The following LRP1B variants were observed in gnomAD, a reference collection of about 807,000 sequenced individuals.
LRP1B encodes low-density lipoprotein receptor-related protein 1B.
A neutral mutation model predicts 556.6 loss-of-function variants in LRP1B; 217 were observed. That is an observed-to-expected ratio of 0.39 (90% CI 0.35 to 0.44). The LOEUF (loss-of-function observed/expected upper bound fraction) is 0.44, where lower values mean the gene tolerates loss of function less well. Ranked by LOEUF, LRP1B falls within the 20% of genes least tolerant of loss-of-function variation. The probability of loss-of-function intolerance (pLI) is 1.00; values close to 1 mark genes in which losing one functional copy is unlikely to be tolerated. For missense variants in LRP1B, 5,053 were observed against 5,620.8 expected, an observed-to-expected ratio of 0.90 and a Z score of 3.23; for synonymous variants, 2,047 against 1,865.8, an observed-to-expected ratio of 1.10 and a Z score of -2.50.
chr2:141,880,581 T>C (rs1698924266), intron 1 of LRP1B, among the ~76,000 whole-genome samples: 1 of 152,038 alleles, frequency 6.6e-6, no homozygotes, highest in South Asian at 2.1e-4. Flanking sequence ...ATTTTTTTGG[T>C]GCCTATTCAA....
chr2:141,669,956 T>C (rs925377009), intron 2 of LRP1B, among the ~76,000 whole-genome samples: 9 of 152,076 alleles, frequency 5.9e-5, no homozygotes, highest in East Asian at 3.9e-4. Context: ...GGTTTCACCA[T>C]GTTGGTCAGG....
chr2:140,661,659 C>G (rs1685098871), intron 41 of LRP1B, among the ~76,000 whole-genome samples: 1 of 152,086 alleles, frequency 6.6e-6, no homozygotes, highest in Non-Finnish European at 1.5e-5. Flanking sequence ...AGAGCAAGAT[C>G]CAGTCTCAAA....
chr2:140,971,311 C>T (rs1001437796), intron 18 of LRP1B, among the ~76,000 whole-genome samples: 1 of 151,996 alleles, frequency 6.6e-6, no homozygotes, highest in Non-Finnish European at 1.5e-5. Context: ...AGCCAAGAAA[C>T]GCCGATAGCC....
chr2:141,526,042 T>C (rs187545154), intron 2 of LRP1B, among the ~76,000 whole-genome samples: 4 of 152,176 alleles, frequency 2.6e-5, no homozygotes, highest in Admixed American at 2.0e-4. Context: ...ATTTGAGACA[T>C]AGAGAATGAA....
chr2:142,036,783 T>G (rs1703897433), intron 1 of LRP1B, among the ~76,000 whole-genome samples: 1 of 151,856 alleles, frequency 6.6e-6, no homozygotes, highest in African/African-American at 2.4e-5. Context: ...TTGACATAGC[T>G]ATTGTAATCA....
At position 141,828,820 on chromosome 2, in the gene LRP1B, A is replaced by T. The variant is rs373707647; in HGVS notation, c.83-18419T>A. ...AAGTTAACTGGTTAATCGGAATAAT[A>T]AAAAGGGACTTTAAAAATCAATAAC... On this transcript the variant is annotated intron_variant, in intron 1 of 90. Transcript: ENST00000389484. Among the ~76,000 whole-genome samples, 25 of 152,222 alleles carry T rather than the reference A, an allele frequency of 1.6e-4. No individual in the cohort carries two copies. The South Asian group carries it at 5.2e-3, about 32-fold the overall frequency.
chr2:140,520,798 G>A (rs377759839), intron 49 of LRP1B, among the ~76,000 whole-genome samples: 579 of 86,180 alleles, frequency 6.7e-3, no homozygotes, highest in Middle Eastern at 0.014. Flanking sequence ...TAAGAAAACA[G>A]AAAAAAAAAA....
chr2:140,414,689 T>C (rs1002744733), intron 66 of LRP1B, among the ~76,000 whole-genome samples: 1 of 152,260 alleles, frequency 6.6e-6, no homozygotes, highest in African/African-American at 2.4e-5. Flanking sequence ...AATCCTGTTA[T>C]CTTTGTAAGG....
chr2:141,706,404 T>C (rs1007223735), intron 2 of LRP1B, among the ~76,000 whole-genome samples: 1 of 152,084 alleles, frequency 6.6e-6, no homozygotes, highest in Non-Finnish European at 1.5e-5. Context: ...ATAAGGTGTG[T>C]AGGAAATCCT....
intron 2 of LRP1B, among the ~76,000 whole-genome samples, chr2:141,663,263 T>G (rs1196540469): frequency 1.3e-5 from 2 of 151,670 alleles, no homozygotes; most frequent in African/African-American, 4.8e-5. Context: ...ATCCTAACAT[T>G]ACAACTAAAA....
intron 60 of LRP1B, among the ~76,000 whole-genome samples, chr2:140,470,088 C>A (rs1322438699): frequency 5.3e-5 from 8 of 152,094 alleles, no homozygotes; most frequent in Non-Finnish European, 8.8e-5. Flanking sequence ...TGTTGAAAGA[C>A]AAAATAAATA....
rs2104952636 is a variant in LRP1B at position 140,274,572 on chromosome 2, A to G, written c.12994T>C (p.Ser4332Pro). 1 of 1,612,418 alleles carries G rather than the reference A, an allele frequency of 6.2e-7. No individual in the cohort carries two copies. Among genetic ancestry groups the G allele is most frequent in the Non-Finnish European group, 8.5e-7 (1 of 1,178,970 alleles). The change falls in exon 85 of 91, where the codon TCT (serine) becomes CCT (proline). Residue 4332 changes from serine to proline, a missense_variant. Coordinates refer to ENST00000389484, the MANE Select transcript of LRP1B (RefSeq NM_018557.3). ...TCATCCCCAATGGTACATGATTCAG[A>G]ATTCACACAATAGTGGTGGCACACG... ...YYVCHHYCVN[S>P]ESCTIGDDGS...
At chr2:140,238,984 C>T (rs1238397860) in intron 88 of LRP1B, among the ~76,000 whole-genome samples, 1 of 150,734 alleles carries the variant, frequency 6.6e-6, no homozygotes, top group East Asian at 2.0e-4. Flanking sequence ...AGTTCATTTT[C>T]ATATAAATTG....
chr2:141,607,378 C>A (rs1045822381), intron 2 of LRP1B, among the ~76,000 whole-genome samples: 1 of 152,124 alleles, frequency 6.6e-6, no homozygotes, highest in Non-Finnish European at 1.5e-5. Context: ...CCTGACACAT[C>A]CTTAAGCTTT....
At chr2:141,389,737 G>A (rs551984813) in intron 3 of LRP1B, among the ~76,000 whole-genome samples, 3 of 152,236 alleles carry the variant, frequency 2.0e-5, no homozygotes, top group Non-Finnish European at 2.9e-5. Context: ...TAATATATCC[G>A]ATAAGGCTCT....
intron 1 of LRP1B, among the ~76,000 whole-genome samples, chr2:142,069,179 C>T (rs1375438493): frequency 1.3e-5 from 2 of 151,532 alleles, no homozygotes; most frequent in Non-Finnish European, 3.0e-5. Flanking sequence ...TGAAATATGG[C>T]TACCAGTTAT....
At chr2:140,813,975 T>A (rs957871313) in intron 31 of LRP1B, among the ~76,000 whole-genome samples, 169 bp from the exon 32 acceptor site, 10 of 152,220 alleles carry the variant, frequency 6.6e-5, no homozygotes, top group Middle Eastern at 3.4e-3. Flanking sequence ...TTGGGTTTTT[T>A]ATTTTGTTAA....
chr2:142,086,154 A>C (rs1174909807), intron 1 of LRP1B, among the ~76,000 whole-genome samples: 1 of 152,140 alleles, frequency 6.6e-6, no homozygotes, highest in East Asian at 1.9e-4. Flanking sequence ...AAAATGTGTC[A>C]TTTTCCAAGT....
intron 59 of LRP1B, among the ~76,000 whole-genome samples, chr2:140,484,672 G>T (rs1688391847): frequency 1.3e-5 from 2 of 152,094 alleles, no homozygotes; most frequent in African/African-American, 4.8e-5. Context: ...AATTGAAAGT[G>T]AATTATAATG....
Sources: allele counts gnomAD v4.1 joint callset (sites outside exome capture counted in the v4.1 genomes callset), GRCh38; gene constraint gnomAD v4.1.1; transcripts MANE v1.5; gene names NCBI Gene and HGNC (gene_info 2026-07-23, HGNC 2026-07-21).